Variants in RB1CC1 observed in about 807,000 individuals in gnomAD.
RB1CC1 encodes the protein RB1 inducible coiled-coil 1.
RB1CC1 carries 46 observed loss-of-function variants against 177.5 expected under a neutral mutation model. The observed-to-expected ratio is 0.26, with a 90% CI of 0.20 to 0.33. The LOEUF is 0.33. RB1CC1 is among the 10% of genes least tolerant of loss of function. RB1CC1 has a pLI of 1.00. For synonymous variants in RB1CC1, 666 were observed against 613.6 expected, an observed-to-expected ratio of 1.09 and a Z score of -1.26; for missense variants, 1,703 against 1,816.3, an observed-to-expected ratio of 0.94 and a Z score of 1.13.
chr8:52,657,696 T>C lies in RB1CC1; in HGVS notation c.2133A>G (p.Glu711=). 1 of 1,614,162 alleles carries C rather than the reference T, an allele frequency of 6.2e-7. No individual in the cohort carries two copies. Among genetic ancestry groups the C allele is most frequent in the Non-Finnish European group, 8.5e-7 (1 of 1,180,010 alleles). The change falls in exon 15 of 24, where the codon GAA becomes GAG. Residue 711 remains glutamate, a synonymous_variant. Coordinates refer to ENST00000025008, the MANE Select transcript of RB1CC1 (RefSeq NM_014781.5). ...DFETIPHPNI[E]QTIHQVSLDL... is the part of the protein sequence containing the mutation. ...CTAAAGAAACTTGGTGAATAGTCTG[T>C]TCTATGTTTGGATGGGGAATAGTTT...
rs755993101 is a variant in RB1CC1 at position 52,661,644 on chromosome 8, C to A, written c.1249G>T (p.Ala417Ser). 5.6e-6 allele frequency: 9 copies of A among 1,612,360 alleles called. No individual in the cohort carries two copies. The highest frequency in any genetic ancestry group is 1.7e-6 in the Non-Finnish European group (2 of 1,179,260). The change falls in exon 9 of 24, where the codon GCA becomes TCA. Residue 417 changes from alanine (A) to serine (S), a missense_variant. Ala to Ser is a moderately conservative substitution (Grantham distance 99). Transcript: ENST00000025008. Reference sequence around the variant, plus strand: ...TGCAACATAATCATCAACTGATTTGCGTGACTCAGGCATAAATCAGGTAAT... The same window carrying A: ...TGCAACATAATCATCAACTGATTTGAGTGACTCAGGCATAAATCAGGTAAT... ...SVLPDLCLSH[A>S]NQLMIMLQNH...
At chr8:52,627,671 A>G (rs1563343971) in intron 22 of RB1CC1, among the ~76,000 whole-genome samples, 2 of 152,120 alleles carry the variant, frequency 1.3e-5, no homozygotes, top group African/African-American at 4.8e-5. Context: ...ATAATTTAAG[A>G]AAGTTTTTTT....
chr8:52,655,865 T>TA (rs1851042355), intron 15 of RB1CC1, 143 bp downstream of exon 15: 2 of 610,038 alleles, frequency 3.3e-6, no homozygotes, highest in South Asian at 6.3e-5. Flanking sequence ...AAACACTGAC[T>TA]AAAAAGTAAG....
Position 52,674,156 on chromosome 8 carries a change from T to G in RB1CC1, c.691A>C (p.Lys231Gln), listed in dbSNP as rs1563420010. ...DSLPEHEDSE[K>Q]AEMKRSTELV... ...TCAGTGGATCTTTTCATCTCAGCTT[T>G]TTCTGAGTCTTCATGTTCAGGTAAA... Residue 231 changes from lysine (K) to glutamine (Q), a missense_variant, in exon 7 of 24, where the codon AAA becomes CAA. By Grantham distance (53) the Lys-to-Gln change is moderately conservative. Around this residue, in one of 6 missense-constraint regions of RB1CC1, gnomAD observed 315 missense variants for 304.9 expected, o/e 1.03. Coordinates refer to ENST00000025008, the MANE Select transcript of RB1CC1 (RefSeq NM_014781.5). The G allele has an allele frequency of 1.2e-6, 2 of 1,613,890 alleles. No homozygotes were observed. Among genetic ancestry groups the G allele is most frequent in the East Asian group, 4.5e-5 (2 of 44,866 alleles).
At chr8:52,690,111 T>C (rs1854687241) in intron 1 of RB1CC1, among the ~76,000 whole-genome samples, 1 of 152,182 alleles carries the variant, frequency 6.6e-6, no homozygotes. Flanking sequence ...TGAGAGATGT[T>C]AACAAAAGGA....
rs78720070 is a variant in RB1CC1 at position 52,628,569 on chromosome 8, T to A, written c.4500-401A>T. ...GTCACAGTGTCAAAGAAAAATTAGA[T>A]CTTGTCTCCAAGCGTAGTGCTCTTC... On this transcript the variant is annotated intron_variant, in intron 21 of 23. Coordinates refer to ENST00000025008, the MANE Select transcript of RB1CC1 (RefSeq NM_014781.5). 1.1e-4 allele frequency among the ~76,000 whole-genome samples: 16 copies of A among 152,314 alleles called. 1 individual carries two copies. In the East Asian group the frequency reaches 3.1e-3, roughly 29 times the overall value.
At chr8:52,625,446 C>T (rs1013859087) in intron 22 of RB1CC1, among the ~76,000 whole-genome samples, 2 of 152,036 alleles carry the variant, frequency 1.3e-5, no homozygotes, top group African/African-American at 4.8e-5. Flanking sequence ...CCAAGTGGTA[C>T]CCATTCTCTT....
chr8:52,649,776 C>T lies in RB1CC1; in HGVS notation c.3822-3909G>A, dbSNP rs183562768. On this transcript the variant is annotated intron_variant, in intron 15 of 23. Coordinates refer to ENST00000025008, the MANE Select transcript of RB1CC1 (RefSeq NM_014781.5). ...TGTAGTAGGTAGATTTCCCAACCCA[C>T]GCAAACCACATACACACGTTCCACT... Among the ~76,000 whole-genome samples, 8 of 152,350 alleles carry T rather than the reference C, an allele frequency of 5.3e-5. No homozygotes were observed. In the East Asian group the frequency reaches 1.2e-3, roughly 22 times the overall value.
At chr8:52,685,663 T>C (rs1854210429) in intron 2 of RB1CC1, 143 bp from the exon 3 acceptor site, 1 of 406,000 alleles carries the variant, frequency 2.5e-6, no homozygotes, top group Non-Finnish European at 4.4e-6. Context: ...GCTAACTGGA[T>C]AGTTCAGTAA....
rs1421532662 is a variant in RB1CC1, at chr8:52,635,192, TA to T, written c.4393-225del. The stretch of plus-strand genomic sequence containing the variant: ...ACATTTACCAAGGACTGTCAAACAT[TA>T]ATATGCGTTAGAAACACCTGTGGAA... On this transcript the variant is annotated intron_variant, in intron 19 of 23. Coordinates refer to ENST00000025008, the MANE Select transcript of RB1CC1 (RefSeq NM_014781.5). Among the ~76,000 whole-genome samples, 5 of 152,298 alleles carry T rather than the reference TA, an allele frequency of 3.3e-5. No individual in the cohort carries two copies. In the East Asian group the frequency reaches 9.6e-4, roughly 29 times the overall value.
chr8:52,671,631 T>C (rs1225024654), intron 7 of RB1CC1, among the ~76,000 whole-genome samples: 1 of 152,234 alleles, frequency 6.6e-6, no homozygotes, highest in African/African-American at 2.4e-5. Flanking sequence ...TTACAGATCA[T>C]ATACTTTGTA....
At chr8:52,666,991 TAA>T (rs1852124263) in intron 8 of RB1CC1, among the ~76,000 whole-genome samples, 1 of 152,120 alleles carries the variant, frequency 6.6e-6, no homozygotes, top group African/African-American at 2.4e-5. Context: ...CCAAATGGTA[TAA>T]GTCATTAAAC....
intron 1 of RB1CC1, among the ~76,000 whole-genome samples, chr8:52,703,090 A>C (rs1405022729): frequency 6.6e-6 from 1 of 152,110 alleles, no homozygotes; most frequent in East Asian, 1.9e-4. Context: ...TTTCTTTATC[A>C]GCCAATGTGT....
intron 1 of RB1CC1, among the ~76,000 whole-genome samples, chr8:52,688,175 GA>G (rs34009628): frequency 0.027 from 4,177 of 152,250 alleles, 84 homozygotes; most frequent in Non-Finnish European, 0.044. Context: ...AGTGCACCTT[GA>G]AAAAGAGCAG....
intron 8 of RB1CC1, among the ~76,000 whole-genome samples, chr8:52,663,774 A>G (rs1420967116): frequency 6.6e-6 from 1 of 152,174 alleles, no homozygotes; most frequent in African/African-American, 2.4e-5. Flanking sequence ...TAGAATTGTG[A>G]CATTTCTCAA....
chr8:52,659,708 C>A (rs1851438205), intron 12 of RB1CC1, among the ~76,000 whole-genome samples: 1 of 152,172 alleles, frequency 6.6e-6, no homozygotes, highest in Non-Finnish European at 1.5e-5. Flanking sequence ...TGTTTAACAG[C>A]TAAGCATGGC....
chr8:52,688,661 TAG>T (rs1854515882), intron 1 of RB1CC1, among the ~76,000 whole-genome samples: 1 of 152,200 alleles, frequency 6.6e-6, no homozygotes, highest in Non-Finnish European at 1.5e-5. Context: ...TGATCTTTGT[TAG>T]ACTCTTATTA....
At chr8:52,676,220 T>A (rs1278156414) in intron 6 of RB1CC1, 149 bp downstream of exon 6, 1 of 668,904 alleles carries the variant, frequency 1.5e-6, no homozygotes, top group African/African-American at 1.9e-5. Flanking sequence ...AACTATAACC[T>A]ACAAATCACT....
intron 1 of RB1CC1, among the ~76,000 whole-genome samples, chr8:52,706,159 C>T (rs1241035688): frequency 2.0e-5 from 3 of 150,504 alleles, no homozygotes; most frequent in Non-Finnish European, 4.4e-5. Flanking sequence ...AAAAAGATGA[C>T]ACCCTATACA....
Sources: allele counts gnomAD v4.1 joint callset (sites outside exome capture counted in the v4.1 genomes callset), GRCh38; gene constraint gnomAD v4.1.1; regional missense constraint gnomAD v4.1.1; transcripts MANE v1.5; gene names NCBI Gene and HGNC (gene_info 2026-07-23, HGNC 2026-07-21).